DAB1: variants seen among roughly 807,000 people sequenced by gnomAD.
DAB1 encodes the protein DAB adaptor protein 1.
A neutral mutation model predicts 64.6 loss-of-function variants in DAB1; 15 were observed. The observed-to-expected ratio is 0.23, with a 90% CI of 0.16 to 0.36. DAB1 has a LOEUF of 0.36. DAB1 is among the 10% of genes least tolerant of loss of function. The probability of loss-of-function intolerance (pLI) is 1.00; values close to 1 mark genes in which losing one functional copy is unlikely to be tolerated. For synonymous variants in DAB1, 235 were observed against 251.9 expected (o/e 0.93, Z 0.64); for missense variants, 596 against 706.7 (o/e 0.84, Z 1.78).
At chr1:57,111,760 A>G (rs1380976023) in intron 4 of DAB1, among the ~76,000 whole-genome samples, 1 of 152,200 alleles carries the variant, frequency 6.6e-6, no homozygotes, top group African/African-American at 2.4e-5. Flanking sequence ...AGAAAGTAAT[A>G]AGGGTCATGA....
At chr1:58,538,729 AC>A in intron 1 of DAB1, 1 of 659,210 alleles carries the variant, frequency 1.5e-6, no homozygotes, top group Non-Finnish European at 2.6e-6. Flanking sequence ...AAAAGTTAAT[AC>A]GTTAGCACAA....
chr1:58,470,516 C>T (rs887868122), intron 3 of DAB1, among the ~76,000 whole-genome samples: 3 of 152,166 alleles, frequency 2.0e-5, no homozygotes, highest in African/African-American at 7.2e-5. Context: ...GATCCTTATC[C>T]TTCACCATGC....
chr1:57,205,566 A>C (rs2100297862), intron 2 of DAB1, among the ~76,000 whole-genome samples: 1 of 152,370 alleles, frequency 6.6e-6, no homozygotes, highest in South Asian at 2.1e-4. Context: ...GTGATTCATC[A>C]ACTACTATGT....
chr1:58,252,806 C>T (rs983169351), intron 4 of DAB1, among the ~76,000 whole-genome samples: 1 of 152,194 alleles, frequency 6.6e-6, no homozygotes, highest in African/African-American at 2.4e-5. Context: ...GACCCCAACC[C>T]TAATGGTGTT....
chr1:57,119,246 T>A (rs2100747249), intron 4 of DAB1, among the ~76,000 whole-genome samples: 1 of 152,292 alleles, frequency 6.6e-6, no homozygotes, highest in African/African-American at 2.4e-5. Flanking sequence ...TTGAGTTGAT[T>A]CCAATGTGTC....
chr1:57,721,252 C>T (rs772696590), intron 6 of DAB1, among the ~76,000 whole-genome samples: 3 of 152,304 alleles, frequency 2.0e-5, no homozygotes, highest in Non-Finnish European at 2.9e-5. Flanking sequence ...CTGGAGATCA[C>T]ACCCTACCAG....
At chr1:58,090,864 C>A (rs1197927568) in intron 5 of DAB1, among the ~76,000 whole-genome samples, 1 of 152,178 alleles carries the variant, frequency 6.6e-6, no homozygotes, top group Non-Finnish European at 1.5e-5. Flanking sequence ...GCTTTCCTGG[C>A]AGAGGTGACA....
chr1:58,538,857 C>A, intron 1 of DAB1: 2 of 871,336 alleles, frequency 2.3e-6, no homozygotes, highest in Non-Finnish European at 4.0e-6. Context: ...AGAGAGGAAC[C>A]GGAGCAGCTT....
At chr1:57,763,559 G>A (rs1557467023) in intron 6 of DAB1, among the ~76,000 whole-genome samples, 1 of 152,068 alleles carries the variant, frequency 6.6e-6, no homozygotes, top group African/African-American at 2.4e-5. Flanking sequence ...TATCCCTATA[G>A]TCCTAACTAC....
chr1:57,899,590 A>G (rs1417652246), intron 5 of DAB1, among the ~76,000 whole-genome samples: 6 of 152,052 alleles, frequency 3.9e-5, no homozygotes, highest in Admixed American at 2.6e-4. Context: ...GAGACCGCAA[A>G]CATGCACGGA....
intron 4 of DAB1, among the ~76,000 whole-genome samples, chr1:58,300,642 GAGAGAGGAAGGAAGGAAGGA>G (rs1360297689): frequency 2.1e-4 from 11 of 51,764 alleles, no homozygotes; most frequent in South Asian, 9.8e-4. Flanking sequence ...GAGAGAGAGA[GAGAGAGGAAGGAAGGAAGGA>G]AGGAAGGAAG....
chr1:57,331,173 G>T (rs1676637637), intron 1 of DAB1, among the ~76,000 whole-genome samples: 1 of 152,096 alleles, frequency 6.6e-6, no homozygotes, highest in Non-Finnish European at 1.5e-5. Flanking sequence ...ATCCACAAAT[G>T]CTAGCAAAGA....
rs975243685 is a variant in DAB1, at chr1:56,997,204, A to T, written c.*940T>A. 6.6e-6 allele frequency: 1 copy of T among 152,254 alleles called. No individual in the cohort carries two copies. The highest frequency in any genetic ancestry group is 2.4e-5 in the African/African-American group (1 of 41,476). The allele number at this position is 152,254 out of a possible 1,614,324, so 9.4% of individuals were successfully genotyped here. A position where few individuals can be genotyped will look rare whatever the true frequency, so the allele number is the denominator to read the frequency against. ...AAGACACTTGTCTGCATAGCAACAC[A>T]GCAGCAAGATATCGGAAAAATAAAA... On this transcript the variant is annotated 3_prime_UTR_variant, in exon 15 of 15. Transcript: ENST00000371236.
intron 3 of DAB1, among the ~76,000 whole-genome samples, chr1:58,384,432 A>G (rs1431789605): frequency 6.6e-6 from 1 of 152,240 alleles, no homozygotes. Context: ...AGGAAGTACC[A>G]GGGATCTGCT....
chr1:57,910,955 C>G (rs114629321), intron 5 of DAB1, among the ~76,000 whole-genome samples: 807 of 152,182 alleles, frequency 5.3e-3, no homozygotes, highest in Middle Eastern at 0.017. Flanking sequence ...AGATGTGAGG[C>G]TTAAATGAAA....
intron 9 of DAB1, among the ~76,000 whole-genome samples, chr1:57,049,700 G>A (rs949530414): frequency 6.6e-6 from 1 of 151,962 alleles, no homozygotes; most frequent in African/African-American, 2.4e-5. Flanking sequence ...GCCCTCACAT[G>A]CCTCCCCTTA....
intron 3 of DAB1, among the ~76,000 whole-genome samples, chr1:58,402,230 C>A (rs1325782956): frequency 6.6e-6 from 1 of 152,222 alleles, no homozygotes; most frequent in African/African-American, 2.4e-5. Flanking sequence ...CAGGACCAGC[C>A]GTGTTTCCTG....
chr1:57,139,633 G>A (rs1658415323), intron 3 of DAB1, among the ~76,000 whole-genome samples: 2 of 152,108 alleles, frequency 1.3e-5, no homozygotes, highest in Admixed American at 6.5e-5. Context: ...CCTTTGGTCA[G>A]GGAGAGAAGT....
chr1:58,176,965 A>G (rs1656515983), intron 4 of DAB1, among the ~76,000 whole-genome samples: 1 of 151,322 alleles, frequency 6.6e-6, no homozygotes, highest in African/African-American at 2.4e-5. Flanking sequence ...GGTGACGGAG[A>G]GAGACTGTCT....
Sources: gnomAD v4.1 joint callset for allele counts (sites outside exome capture counted in the v4.1 genomes callset) on GRCh38, gnomAD v4.1.1 for gene constraint, MANE v1.5 for transcripts, NCBI Gene and HGNC (gene_info 2026-07-23, HGNC 2026-07-21) for gene names.